Variants in ABTB3 observed in about 807,000 individuals in gnomAD.
ABTB3 encodes the protein ankyrin repeat and BTB domain containing 3, also known as ankyrin repeat- and BTB/POZ domain-containing protein 3.
the ABTB3 span, among the ~76,000 whole-genome samples, chr12:107,446,425 C>A: frequency 6.6e-6 from 1 of 152,094 alleles, no homozygotes; most frequent in Non-Finnish European, 1.5e-5. Flanking sequence ...GGGAGGGGGA[C>A]CAGGCACATT....
chr12:107,607,775 T>G, the ABTB3 span, among the ~76,000 whole-genome samples: 1 of 152,168 alleles, frequency 6.6e-6, no homozygotes, highest in Non-Finnish European at 1.5e-5. Context: ...CATTCCGGAA[T>G]AGTTTTCAGA....
the ABTB3 span, among the ~76,000 whole-genome samples, chr12:107,637,659 GATC>G: frequency 6.6e-6 from 1 of 152,132 alleles, no homozygotes; most frequent in South Asian, 2.1e-4. Context: ...AGACAAGAAT[GATC>G]AGTGACAAGG....
At chr12:107,498,508 A>G in the ABTB3 span, among the ~76,000 whole-genome samples, 1 of 152,222 alleles carries the variant, frequency 6.6e-6, no homozygotes, top group African/African-American at 2.4e-5. Flanking sequence ...TCAGAAGTCC[A>G]AAATGGGTCT....
At chr12:107,342,345 G>C in the ABTB3 span, among the ~76,000 whole-genome samples, 1 of 152,218 alleles carries the variant, frequency 6.6e-6, no homozygotes, top group African/African-American at 2.4e-5. Flanking sequence ...GGAGAAGAGA[G>C]CTGAGGTGTA....
At chr12:107,524,662 A>G in the ABTB3 span, among the ~76,000 whole-genome samples, 2 of 152,210 alleles carry the variant, frequency 1.3e-5, no homozygotes, top group Non-Finnish European at 2.9e-5. Flanking sequence ...AGGAGGTTAA[A>G]CAACTTATCC....
the ABTB3 span, among the ~76,000 whole-genome samples, chr12:107,457,408 T>C: frequency 6.6e-6 from 1 of 152,202 alleles, no homozygotes; most frequent in Non-Finnish European, 1.5e-5. Flanking sequence ...GACTCCGAAG[T>C]TTTATTAACT....
the ABTB3 span, among the ~76,000 whole-genome samples, chr12:107,642,887 AGCT>A: frequency 8.2e-3 from 1,250 of 152,266 alleles, 13 homozygotes; most frequent in African/African-American, 0.028. Context: ...GGAGCACCGC[AGCT>A]TTTTTCGCTT....
the ABTB3 span, among the ~76,000 whole-genome samples, chr12:107,423,465 C>T: frequency 1.3e-5 from 2 of 152,132 alleles, no homozygotes; most frequent in African/African-American, 4.8e-5. Flanking sequence ...AGCGGAAAGT[C>T]GTACAGTATT....
At chr12:107,494,347 G>C in the ABTB3 span, among the ~76,000 whole-genome samples, 1 of 152,126 alleles carries the variant, frequency 6.6e-6, no homozygotes, top group Non-Finnish European at 1.5e-5. Flanking sequence ...CAGAAGAGCC[G>C]GGACCTTCCC....
chr12:107,360,875 T>G, the ABTB3 span, among the ~76,000 whole-genome samples: 1 of 151,400 alleles, frequency 6.6e-6, no homozygotes, highest in Non-Finnish European at 1.5e-5. Flanking sequence ...TTCCTCAGCC[T>G]CCTGAGTAGC....
chr12:107,433,296 C>CAAAAAAAAA, the ABTB3 span, among the ~76,000 whole-genome samples: 4 of 23,120 alleles, frequency 1.7e-4, no homozygotes, highest in Admixed American at 6.0e-4. Context: ...GACTCCGTCT[C>CAAAAAAAAA]AAAAAAAAAA....
chr12:107,452,873 A>C, the ABTB3 span, among the ~76,000 whole-genome samples: 2 of 152,284 alleles, frequency 1.3e-5, no homozygotes, highest in East Asian at 3.9e-4. Context: ...ACAACAACAA[A>C]AATTTAGAAA....
chr12:107,320,755 C>G, the ABTB3 span: 2 of 447,118 alleles, frequency 4.5e-6, no homozygotes, highest in South Asian at 3.2e-5. Context: ...GCCCCCAATT[C>G]CAGCCTCCCA....
chr12:107,497,555 TCAC>T, the ABTB3 span, among the ~76,000 whole-genome samples: 1 of 151,678 alleles, frequency 6.6e-6, no homozygotes, highest in African/African-American at 2.4e-5. Flanking sequence ...AGCATCATCG[TCAC>T]CACCATCATC....
chr12:107,452,202 A>ATTTTTTTTTTTTTTTTTTTTTTTT, the ABTB3 span, among the ~76,000 whole-genome samples: 1 of 110,208 alleles, frequency 9.1e-6, no homozygotes, highest in Non-Finnish European at 1.8e-5. Flanking sequence ...GCCCATATGA[A>ATTTTTTTTTTTTTTTTTTTTTTTT]TTTTTTTTTT....
chr12:107,520,639 A>C, the ABTB3 span: 1 of 1,614,024 alleles, frequency 6.2e-7, no homozygotes, highest in Non-Finnish European at 8.5e-7. Flanking sequence ...CGAATTGAGT[A>C]AGTAGATGTT....
the ABTB3 span, among the ~76,000 whole-genome samples, chr12:107,447,922 A>T: frequency 6.6e-6 from 1 of 152,232 alleles, no homozygotes; most frequent in Non-Finnish European, 1.5e-5. Flanking sequence ...GAGGGGTCCC[A>T]GGAGCCCTTG....
the ABTB3 span, among the ~76,000 whole-genome samples, chr12:107,405,839 G>A: frequency 1.3e-5 from 2 of 152,228 alleles, no homozygotes; most frequent in Admixed American, 6.5e-5. Context: ...CCAGGCGATT[G>A]GAGACCTGAG....
the ABTB3 span, chr12:107,318,604 C>T: frequency 4.8e-6 from 1 of 206,974 alleles, no homozygotes; most frequent in African/African-American, 2.3e-5. Context: ...GTGGCTACTG[C>T]GCCCAGCGGG....
Sources: allele counts gnomAD v4.1 joint callset (sites outside exome capture counted in the v4.1 genomes callset), GRCh38; gene constraint gnomAD v4.1.1; transcripts MANE v1.5; gene names NCBI Gene and HGNC (gene_info 2026-07-23, HGNC 2026-07-21).